Variants in IL36B observed in about 807,000 individuals in gnomAD.
The protein encoded by IL36B is interleukin 36 beta, also known as interleukin-36 beta.
IL36B carries 23 observed loss-of-function variants against 19.3 expected under a neutral mutation model. That is an observed-to-expected ratio of 1.19 (90% CI 0.86 to 1.69). The LOEUF (loss-of-function observed/expected upper bound fraction) is 1.69, where lower values mean the gene tolerates loss of function less well. Ranked by LOEUF, IL36B falls within the 40% of genes most tolerant of loss-of-function variation. The pLI is 0.00. For missense variants in IL36B, 217 were observed against 200.5 expected, an observed-to-expected ratio of 1.08 and a Z score of -0.50; for synonymous variants, 59 against 59.7, an observed-to-expected ratio of 0.99 and a Z score of 0.05.
intron 1 of IL36B, among the ~76,000 whole-genome samples, chr2:113,050,450 G>C (rs1685423604): frequency 1.3e-5 from 2 of 152,172 alleles, no homozygotes; most frequent in African/African-American, 2.4e-5. Context: ...CCGCTGGGGA[G>C]AGGGGAGTGA....
At chr2:113,052,169 T>C (rs1458162571) in intron 1 of IL36B, among the ~76,000 whole-genome samples, 1 of 152,010 alleles carries the variant, frequency 6.6e-6, no homozygotes, top group Non-Finnish European at 1.5e-5. Context: ...AGGCTGGTCT[T>C]GAACTCCTGG....
intron 3 of IL36B, 63 bp from the exon 4 acceptor site, chr2:113,029,141 C>A (rs1192314173): frequency 3.3e-6 from 5 of 1,522,060 alleles, no homozygotes; most frequent in African/African-American, 1.4e-5. Context: ...CTCAGTTACT[C>A]CCCCCAGGTA....
At chr2:113,026,326 G>A (rs1488080237) in intron 4 of IL36B, 4 of 1,564,604 alleles carry the variant, frequency 2.6e-6, no homozygotes, top group South Asian at 1.2e-5. Context: ...GGAGTAAAAG[G>A]CCTGCATACA....
At chr2:113,051,412 A>T (rs1038056214) in intron 1 of IL36B, among the ~76,000 whole-genome samples, 2 of 150,996 alleles carry the variant, frequency 1.3e-5, no homozygotes, top group Middle Eastern at 3.4e-3. Context: ...CACACACCGG[A>T]GCCTCACCTG....
chr2:113,026,317 G>A (rs917159236), intron 4 of IL36B: 29 of 1,580,278 alleles, frequency 1.8e-5, no homozygotes, highest in South Asian at 5.7e-5. Context: ...GCAATGACTG[G>A]AGTAAAAGGC....
At chr2:113,034,392 G>C (rs1685130554) in intron 1 of IL36B, among the ~76,000 whole-genome samples, 1 of 152,174 alleles carries the variant, frequency 6.6e-6, no homozygotes, top group Non-Finnish European at 1.5e-5. Context: ...CTATCTCCAA[G>C]AGTCCCTCAC....
intron 1 of IL36B, among the ~76,000 whole-genome samples, chr2:113,035,972 T>C (rs1685160829): frequency 6.6e-6 from 1 of 152,182 alleles, no homozygotes; most frequent in South Asian, 2.1e-4. Flanking sequence ...TTCTTTTCTT[T>C]TGCTCTGTCG....
chr2:113,040,945 C>T (rs1248399492), intron 1 of IL36B, among the ~76,000 whole-genome samples: 1 of 151,978 alleles, frequency 6.6e-6, no homozygotes, highest in Non-Finnish European at 1.5e-5. Context: ...GGCTTGAGCT[C>T]AGGAGTTTGT....
At chr2:113,051,416 T>C (rs1162339207) in intron 1 of IL36B, among the ~76,000 whole-genome samples, 1 of 150,914 alleles carries the variant, frequency 6.6e-6, no homozygotes, top group African/African-American at 2.5e-5. Flanking sequence ...CACCGGAGCC[T>C]CACCTGCCCT....
At position 113,026,119 on chromosome 2, in the gene IL36B, T is replaced by C. The variant is rs761589252; in HGVS notation, c.375A>G (p.Gln125=). 68 of 1,613,732 alleles carry C rather than the reference T, an allele frequency of 4.2e-5. 1 individual carries two copies. The South Asian group carries it at 6.7e-4, about 16-fold the overall frequency. The change falls in exon 5 of 6, where the codon CAA becomes CAG. Residue 125 remains glutamine (Q), a synonymous_variant. Coordinates refer to ENST00000259213, the MANE Select transcript of IL36B (RefSeq NM_014438.5). ...GCTCCTCACCCACTCCTATTCCCCA[T>C]TGGTCAAGGGTTCCCATGAAGCAGC... is the stretch of plus-strand genomic sequence containing the variant.
chr2:113,025,847 G>A (rs543813651), intron 5 of IL36B, among the ~76,000 whole-genome samples: 34 of 152,222 alleles, frequency 2.2e-4, no homozygotes, highest in African/African-American at 8.2e-4. Flanking sequence ...TCTTAGCTAG[G>A]TTTATACCAG....
At chr2:113,041,830 G>A (rs1685262659) in intron 1 of IL36B, among the ~76,000 whole-genome samples, 1 of 152,158 alleles carries the variant, frequency 6.6e-6, no homozygotes, top group Admixed American at 6.5e-5. Flanking sequence ...ACAGTGCAAG[G>A]CAGCCTTGAA....
At chr2:113,036,469 G>C (rs752853634) in intron 1 of IL36B, among the ~76,000 whole-genome samples, 1 of 151,412 alleles carries the variant, frequency 6.6e-6, no homozygotes, top group Non-Finnish European at 1.5e-5. Context: ...TTTTTGCTCA[G>C]AGAGAAAAAC....
chr2:113,045,323 A>G (rs1297051165), intron 1 of IL36B, among the ~76,000 whole-genome samples: 1 of 152,164 alleles, frequency 6.6e-6, no homozygotes, highest in African/African-American at 2.4e-5. Context: ...TGATTCTGAC[A>G]AAAAATCTGC....
intron 3 of IL36B, 110 bp from the exon 4 acceptor site, chr2:113,029,188 C>CA: frequency 2.7e-6 from 3 of 1,113,680 alleles, no homozygotes; most frequent in Non-Finnish European, 3.8e-6. Context: ...AGCCATGTGG[C>CA]AGAGACCCTC....
At chr2:113,047,826 T>C (rs938014530) in intron 1 of IL36B, among the ~76,000 whole-genome samples, 1 of 152,128 alleles carries the variant, frequency 6.6e-6, no homozygotes, top group African/African-American at 2.4e-5. Context: ...ATTAAGAATA[T>C]GTATTGGAAG....
chr2:113,033,129 C>A (rs1174412931), intron 1 of IL36B, among the ~76,000 whole-genome samples: 1 of 152,246 alleles, frequency 6.6e-6, no homozygotes, highest in Non-Finnish European at 1.5e-5. Flanking sequence ...TTTACACACC[C>A]ACCATGTCAC....
intron 5 of IL36B, among the ~76,000 whole-genome samples, chr2:113,024,521 C>G (rs35231527): frequency 7.2e-4 from 110 of 152,336 alleles, no homozygotes; most frequent in African/African-American, 2.6e-3. Context: ...GTGCCTTCTC[C>G]TGTGGTTCTT....
chr2:113,026,378 G>T, intron 4 of IL36B: 1 of 1,325,880 alleles, frequency 7.5e-7, no homozygotes, highest in East Asian at 2.6e-5. Context: ...AGAGAATGCG[G>T]GGCACTGAAG....
Sources: allele counts gnomAD v4.1 joint callset (sites outside exome capture counted in the v4.1 genomes callset), GRCh38; gene constraint gnomAD v4.1.1; transcripts MANE v1.5; gene names NCBI Gene and HGNC (gene_info 2026-07-23, HGNC 2026-07-21).